Variants in MBOAT1 observed in about 807,000 individuals in gnomAD.
MBOAT1 encodes the protein membrane-bound glycerophospholipid O-acyltransferase 1.
A neutral mutation model predicts 64.4 loss-of-function variants in MBOAT1; 67 were observed. That is an observed-to-expected ratio of 1.04 (90% CI 0.85 to 1.27). The LOEUF (loss-of-function observed/expected upper bound fraction) is 1.27, where lower values mean the gene tolerates loss of function less well. Ranked by LOEUF, MBOAT1 falls within the 50% of genes most tolerant of loss-of-function variation. The probability of loss-of-function intolerance (pLI) is 0.00; values close to 1 mark genes in which losing one functional copy is unlikely to be tolerated. For missense variants in MBOAT1, 563 were observed against 604.6 expected, an observed-to-expected ratio of 0.93 and a Z score of 0.72; for synonymous variants, 229 against 218.9, an observed-to-expected ratio of 1.05 and a Z score of -0.41.
Position 20,101,484 on chromosome 6 carries a change from T to G in MBOAT1, c.*802A>C, listed in dbSNP as rs1759784689. The stretch of plus-strand genomic sequence containing the variant: ...CCCTCTGCCTCCATGGTCCTCTGAG[T>G]GTAGTTATTATGTCTGCAAACCAGT... On this transcript the variant is annotated 3_prime_UTR_variant, in exon 13 of 13. Coordinates refer to ENST00000324607, the MANE Select transcript of MBOAT1 (RefSeq NM_001080480.3). Among the ~76,000 whole-genome samples, 1 of 152,094 alleles carries G rather than the reference T, an allele frequency of 6.6e-6. No homozygotes were observed. Among genetic ancestry groups the G allele is most frequent in the Admixed American group, 6.5e-5 (1 of 15,280 alleles).
At chr6:20,175,933 A>T (rs1183880365) in intron 1 of MBOAT1, among the ~76,000 whole-genome samples, 1 of 152,132 alleles carries the variant, frequency 6.6e-6, no homozygotes, top group Non-Finnish European at 1.5e-5. Context: ...AAATATATAT[A>T]CTTTTCTCTT....
intron 11 of MBOAT1, among the ~76,000 whole-genome samples, chr6:20,110,152 G>C (rs1029234824): frequency 4.6e-5 from 7 of 150,948 alleles, no homozygotes; most frequent in African/African-American, 1.7e-4. Flanking sequence ...CTTGTGATCT[G>C]CCCACCTTGG....
rs1451652235 is a variant in MBOAT1 at position 20,131,133 on chromosome 6, G to A, written c.475+11C>T. ...CACTCTGAGAACCAAAAGGAGGGCTGCTGTTCTTACCATCATGAACCTGGA... is the reference window on the plus strand; with the variant it reads ...CACTCTGAGAACCAAAAGGAGGGCTACTGTTCTTACCATCATGAACCTGGA... On this transcript the variant is annotated intron_variant, in intron 5 of 12. Coordinates refer to ENST00000324607, the MANE Select transcript of MBOAT1 (RefSeq NM_001080480.3). 26 of 1,612,212 alleles carry A rather than the reference G, an allele frequency of 1.6e-5. No homozygotes were observed. The highest frequency in any genetic ancestry group is 2.1e-5 in the Non-Finnish European group (25 of 1,178,300).
At chr6:20,114,186 A>T (rs1055273394) in intron 10 of MBOAT1, among the ~76,000 whole-genome samples, 3 of 152,248 alleles carry the variant, frequency 2.0e-5, no homozygotes, top group South Asian at 4.1e-4. Flanking sequence ...GAATTACTAC[A>T]TACTCTGTCT....
chr6:20,206,434 A>G (rs1763268604), intron 1 of MBOAT1, among the ~76,000 whole-genome samples: 1 of 152,184 alleles, frequency 6.6e-6, no homozygotes, highest in Admixed American at 6.5e-5. Flanking sequence ...TCGGCCTCCC[A>G]AAGTGCTGGG....
intron 1 of MBOAT1, among the ~76,000 whole-genome samples, chr6:20,195,704 TTAAAC>T (rs1325703774): frequency 6.6e-6 from 1 of 152,200 alleles, no homozygotes; most frequent in Non-Finnish European, 1.5e-5. Context: ...TGTATCTATA[TTAAAC>T]TAAACATGAG....
At chr6:20,112,841 TA>T (rs1760206691) in intron 11 of MBOAT1, 34 bp downstream of exon 11, 5 of 1,596,932 alleles carry the variant, frequency 3.1e-6, no homozygotes, top group Non-Finnish European at 4.3e-6. Flanking sequence ...ATCAGATTAC[TA>T]AGGGGAAAGA....
intron 6 of MBOAT1, among the ~76,000 whole-genome samples, chr6:20,127,957 C>A (rs1203401873): frequency 1.3e-5 from 2 of 152,072 alleles, no homozygotes; most frequent in Non-Finnish European, 2.9e-5. Flanking sequence ...TCATTAGAAT[C>A]TTTCAATAGT....
chr6:20,165,154 G>A (rs1169888048), intron 1 of MBOAT1, among the ~76,000 whole-genome samples: 1 of 152,156 alleles, frequency 6.6e-6, no homozygotes, highest in Non-Finnish European at 1.5e-5. Context: ...AAATAGACAA[G>A]AGAAGCTAGG....
At chr6:20,111,859 C>CATAT (rs1322920189) in intron 11 of MBOAT1, among the ~76,000 whole-genome samples, 1 of 108,642 alleles carries the variant, frequency 9.2e-6, no homozygotes, top group Non-Finnish European at 1.8e-5. Context: ...TATATATATA[C>CATAT]ATATATATAC....
intron 11 of MBOAT1, among the ~76,000 whole-genome samples, chr6:20,111,848 A>G (rs138003664): frequency 0.025 from 2,201 of 86,608 alleles, 75 homozygotes; most frequent in African/African-American, 0.074. Flanking sequence ...ATATATATAC[A>G]TATATATATA....
Position 20,200,289 on chromosome 6 carries a change from C to T in MBOAT1, c.99+11847G>A, listed in dbSNP as rs530953416. On this transcript the variant is annotated intron_variant, in intron 1 of 12. Transcript: ENST00000324607. ...AATAAGAAAGCAAATTATACAGGTA[C>T]GATCTTTTTAGCTAAGTCTACTGAA... Among the ~76,000 whole-genome samples, 253 of 152,208 alleles carry T rather than the reference C, an allele frequency of 1.7e-3. 1 individual carries two copies. Among genetic ancestry groups the T allele is most frequent in the Admixed American group, 5.0e-3 (76 of 15,284 alleles).
At chr6:20,170,695 C>T (rs1003208057) in intron 1 of MBOAT1, among the ~76,000 whole-genome samples, 1 of 152,204 alleles carries the variant, frequency 6.6e-6, no homozygotes, top group Non-Finnish European at 1.5e-5. Context: ...GGAAGCCCTC[C>T]CTTCTGCCCA....
At chr6:20,138,488 T>A (rs1213586988) in intron 4 of MBOAT1, among the ~76,000 whole-genome samples, 1 of 152,264 alleles carries the variant, frequency 6.6e-6, no homozygotes, top group East Asian at 1.9e-4. Context: ...ATGCTCCTCT[T>A]GTGTCAAACC....
chr6:20,200,451 T>C (rs1346749889), intron 1 of MBOAT1, among the ~76,000 whole-genome samples: 1 of 152,188 alleles, frequency 6.6e-6, no homozygotes, highest in Non-Finnish European at 1.5e-5. Context: ...GAGTACTGTT[T>C]CCAGGAGATG....
Position 20,137,602 on chromosome 6 carries a change from C to G in MBOAT1, c.420-6403G>C, listed in dbSNP as rs116753082. Among the ~76,000 whole-genome samples the G allele has an allele frequency of 7.3e-3, 1,115 of 152,186 alleles. 14 individuals are homozygous for G. Among genetic ancestry groups the G allele is most frequent in the African/African-American group, 0.025 (1,046 of 41,516 alleles). On this transcript the variant is annotated intron_variant, in intron 4 of 12. Transcript: ENST00000324607. ...CAATAAAAGTGTATCTTGTTTGTTT[C>G]CCTTACCATTAATTCCAGTCCAGTC...
intron 1 of MBOAT1, among the ~76,000 whole-genome samples, chr6:20,179,227 AGCTG>A (rs1197424780): frequency 9.9e-5 from 15 of 151,960 alleles, no homozygotes; most frequent in Non-Finnish European, 1.6e-4. Flanking sequence ...CAAAACCCTC[AGCTG>A]TAGGGCAGCT....
At chr6:20,174,168 CAT>C (rs1385827736) in intron 1 of MBOAT1, among the ~76,000 whole-genome samples, 1 of 152,154 alleles carries the variant, frequency 6.6e-6, no homozygotes, top group African/African-American at 2.4e-5. Context: ...TGGACAGAAA[CAT>C]AGCGGTTCAT....
At chr6:20,161,526 C>G (rs1761861365) in intron 1 of MBOAT1, among the ~76,000 whole-genome samples, 1 of 152,010 alleles carries the variant, frequency 6.6e-6, no homozygotes, top group Admixed American at 6.6e-5. Flanking sequence ...GATATTGTGT[C>G]TCATCATAAC....
Sources: gnomAD v4.1 joint callset for allele counts (sites outside exome capture counted in the v4.1 genomes callset) on GRCh38, gnomAD v4.1.1 for gene constraint, MANE v1.5 for transcripts, NCBI Gene and HGNC (gene_info 2026-07-23, HGNC 2026-07-21) for gene names.